NCKAP5L: variants seen among roughly 807,000 people sequenced by gnomAD.
The protein encoded by NCKAP5L is nck-associated protein 5-like.
NCKAP5L carries 54 observed loss-of-function variants against 103.2 expected under a neutral mutation model. The observed-to-expected ratio is 0.52, with a 90% CI of 0.42 to 0.66. NCKAP5L has a LOEUF of 0.66. Ranked by LOEUF, NCKAP5L falls within the 30% of genes least tolerant of loss-of-function variation. The pLI is 0.00. For missense variants in NCKAP5L, 1,733 were observed against 1,750.6 expected, an observed-to-expected ratio of 0.99 and a Z score of 0.18; for synonymous variants, 762 against 748.6, an observed-to-expected ratio of 1.02 and a Z score of -0.29.
intron 1 of NCKAP5L, among the ~76,000 whole-genome samples, chr12:49,817,514 T>G (rs1281882024): frequency 6.6e-6 from 1 of 152,202 alleles, no homozygotes; most frequent in African/African-American, 2.4e-5. Context: ...AGCAAAAGTT[T>G]GTTCTTGAGC....
chr12:49,793,714 T>C lies in NCKAP5L; in HGVS notation c.3258+20A>G. 7.2e-6 allele frequency: 11 copies of C among 1,532,546 alleles called. No individual in the cohort carries two copies. Among genetic ancestry groups the C allele is most frequent in the Non-Finnish European group, 8.8e-6 (10 of 1,139,646 alleles). The allele number at this position is 1,532,546 out of a possible 1,614,324, so 94.9% of individuals were successfully genotyped here. On this transcript the variant is annotated intron_variant, in intron 9 of 12. Coordinates refer to ENST00000335999, the MANE Select transcript of NCKAP5L (RefSeq NM_001037806.4). ...CCAGAGAGCCAGGCCGTCCACCCAG[T>C]CCCTACCCCAAGAACTTACCTTTCC...
chr12:49,801,577 C>T (rs1946118360), intron 6 of NCKAP5L, among the ~76,000 whole-genome samples: 1 of 152,184 alleles, frequency 6.6e-6, no homozygotes, highest in African/African-American at 2.4e-5. Flanking sequence ...GAAATAATTG[C>T]ATCTGCAGAC....
Position 49,793,762 on chromosome 12 carries a change from A to G in NCKAP5L, c.3230T>C (p.Leu1077Pro). ...CGPRNGLVGPLQGCGKPPGKP... is the reference protein window; with the variant it reads ...CGPRNGLVGPPQGCGKPPGKP... ...TCCAGGAGGTTTTCCGCAGCCCTGA[A>G]GAGGGCCCACCAGGCCATTCCGGGG... is the stretch of plus-strand genomic sequence containing the variant. Residue 1077 changes from leucine to proline, a missense_variant, in exon 9 of 13, where the codon CTT (leucine) becomes CCT (proline). Physicochemically the swap from Leu to Pro is moderately conservative, Grantham distance 98. Transcript: ENST00000335999. The G allele has an allele frequency of 6.3e-7, 1 of 1,592,290 alleles. No individual in the cohort carries two copies. The highest frequency in any genetic ancestry group is 8.5e-7 in the Non-Finnish European group (1 of 1,169,782).
intron 1 of NCKAP5L, among the ~76,000 whole-genome samples, chr12:49,823,788 A>G (rs559547839): frequency 1.3e-5 from 2 of 152,290 alleles, no homozygotes; most frequent in East Asian, 3.9e-4. Context: ...AGCAACAATA[A>G]TTCACCTTAA....
chr12:49,796,759 G>T lies in NCKAP5L; in HGVS notation c.1101C>A (p.Pro367=). The change falls in exon 8 of 13, where the codon CCC becomes CCA. Residue 367 remains proline (P), a synonymous_variant. Coordinates refer to ENST00000335999, the MANE Select transcript of NCKAP5L (RefSeq NM_001037806.4). ...PGQSSSPDQA[P]PQLSKSKGLP... ...GGCCTTTGGACTTAGACAGCTGTGGGGGCGCCTGGTCTGGGGAGGATGACT... is the reference window on the plus strand; with the variant it reads ...GGCCTTTGGACTTAGACAGCTGTGGTGGCGCCTGGTCTGGGGAGGATGACT... 6.2e-7 allele frequency: 1 copy of T among 1,613,452 alleles called. No homozygotes were observed. Among genetic ancestry groups the T allele is most frequent in the African/African-American group, 1.3e-5 (1 of 75,064 alleles).
intron 1 of NCKAP5L, among the ~76,000 whole-genome samples, chr12:49,815,017 C>A (rs1052929094): frequency 2.6e-5 from 4 of 152,236 alleles, no homozygotes; most frequent in African/African-American, 7.2e-5. Flanking sequence ...AGGTGATATG[C>A]CTTCCCCAGG....
At position 49,795,146 on chromosome 12, in the gene NCKAP5L, G is replaced by C. The variant is rs938266390; in HGVS notation, c.2714C>G (p.Pro905Arg). 4 of 1,610,876 alleles carry C rather than the reference G, an allele frequency of 2.5e-6. No individual in the cohort carries two copies. Among genetic ancestry groups the C allele is most frequent in the Non-Finnish European group, 3.4e-6 (4 of 1,179,100 alleles). ...VLRLQGQERA[P>R]GAEVKHRNTS... is the part of the protein sequence containing the mutation. ...GTTGCGGTGCTTGACCTCGGCGCCA[G>C]GGGCTCGCTCCTGGCCCTGGAGCCG... Residue 905 changes from proline (P) to arginine (R), a missense_variant, in exon 8 of 13, where the codon CCT becomes CGT. By Grantham distance (103) the Pro-to-Arg change is moderately radical. Transcript: ENST00000335999.
intron 6 of NCKAP5L, among the ~76,000 whole-genome samples, chr12:49,801,025 G>A (rs532304385): frequency 1.3e-5 from 2 of 152,180 alleles, no homozygotes; most frequent in African/African-American, 4.8e-5. Flanking sequence ...CGAGACGGGG[G>A]CTCCAGAGTG....
At chr12:49,793,298 G>T in intron 10 of NCKAP5L, 54 bp downstream of exon 10, 1 of 1,535,018 alleles carries the variant, frequency 6.5e-7, no homozygotes, top group Non-Finnish European at 8.9e-7. Flanking sequence ...AAAGTGGGAA[G>T]AAGTGGGTAG....
At chr12:49,808,014 T>C (rs530139492) in intron 1 of NCKAP5L, among the ~76,000 whole-genome samples, 51 of 152,342 alleles carry the variant, frequency 3.3e-4, no homozygotes, top group African/African-American at 1.2e-3. Context: ...ATGTAGAGTA[T>C]CTTTTCCCAA....
intron 2 of NCKAP5L, chr12:49,804,850 G>C (rs1946162004): frequency 1.3e-5 from 2 of 152,278 alleles, no homozygotes; most frequent in African/African-American, 2.4e-5. Context: ...GGAGAATACA[G>C]TTGAGCCTGG....
rs553263043 is a variant in NCKAP5L at position 49,799,306 on chromosome 12, G to A, written c.352-843C>T. Among the ~76,000 whole-genome samples, 6 of 147,124 alleles carry A rather than the reference G, an allele frequency of 4.1e-5. No individual in the cohort carries two copies. The South Asian group carries it at 6.5e-4, about 16-fold the overall frequency. On this transcript the variant is annotated intron_variant, in intron 6 of 12. Coordinates refer to ENST00000335999, the MANE Select transcript of NCKAP5L (RefSeq NM_001037806.4). Reference sequence around the variant, plus strand: ...TTTAAACTATAAACTCTAACAATGAGATGAGATTTTTTTTTTTTTTGAGAC... The same window carrying A: ...TTTAAACTATAAACTCTAACAATGAAATGAGATTTTTTTTTTTTTTGAGAC...
At position 49,803,000 on chromosome 12, in the gene NCKAP5L, G is replaced by A. The variant is rs762865230; in HGVS notation, c.193-4C>T. On this transcript the variant is annotated splice_region_variant and splice_polypyrimidine_tract_variant and intron_variant, in intron 4 of 12. Coordinates refer to ENST00000335999, the MANE Select transcript of NCKAP5L (RefSeq NM_001037806.4). ...CCTGTACCACATGGTTGGCAACCTG[G>A]GGACAGAAAGCCCCGAGGCAGAGCC... 1.9e-6 allele frequency: 3 copies of A among 1,614,248 alleles called. No homozygotes were observed. Among genetic ancestry groups the A allele is most frequent in the Non-Finnish European group, 2.5e-6 (3 of 1,180,036 alleles).
chr12:49,793,717 C>A lies in NCKAP5L; in HGVS notation c.3258+17G>T. 1 of 1,534,880 alleles carries A rather than the reference C, an allele frequency of 6.5e-7. No homozygotes were observed. The highest frequency in any genetic ancestry group is 8.8e-7 in the Non-Finnish European group (1 of 1,140,670). Reference sequence around the variant, plus strand: ...GAGAGCCAGGCCGTCCACCCAGTCCCTACCCCAAGAACTTACCTTTCCAGG... The same window carrying A: ...GAGAGCCAGGCCGTCCACCCAGTCCATACCCCAAGAACTTACCTTTCCAGG... On this transcript the variant is annotated intron_variant, in intron 9 of 12. Transcript: ENST00000335999.
chr12:49,810,599 G>A (rs1376258536), intron 1 of NCKAP5L, among the ~76,000 whole-genome samples: 1 of 152,152 alleles, frequency 6.6e-6, no homozygotes, highest in African/African-American at 2.4e-5. Context: ...ATTCTCTCCT[G>A]AGTGTACAGT....
At chr12:49,825,134 G>GGC (rs1410236451) in intron 1 of NCKAP5L, among the ~76,000 whole-genome samples, 2 of 152,186 alleles carry the variant, frequency 1.3e-5, no homozygotes, top group Non-Finnish European at 2.9e-5. Context: ...TTAACATGAG[G>GGC]GCGTTGGACT....
intron 3 of NCKAP5L, 54 bp from the exon 4 acceptor site, chr12:49,803,219 C>A (rs1004627200): frequency 1.9e-6 from 3 of 1,571,548 alleles, no homozygotes; most frequent in Non-Finnish European, 2.6e-6. Flanking sequence ...GATTATTCTT[C>A]CCCCAGGGCA....
In NCKAP5L at chr12:49,794,613, A is replaced by G. The variant is rs3825168; in HGVS notation, c.3095+152T>C. Among the ~76,000 whole-genome samples the G allele has an allele frequency of 6.9e-3, 471 of 68,100 alleles. 13 individuals are homozygous for G. The highest frequency in any genetic ancestry group is 0.028 in the African/African-American group (452 of 16,208). 44.7% of individuals were successfully genotyped at this position (68,100 alleles called of 152,430 possible). On this transcript the variant is annotated intron_variant, in intron 8 of 12. Transcript: ENST00000335999. ...TCCAGGCCAAGTCACTGACCCCCCC[A>G]CCAGCTGCTTTGGTGGCCTTCTATC... is the stretch of plus-strand genomic sequence containing the variant.
In NCKAP5L at chr12:49,796,503, C is replaced by T; in HGVS notation, c.1357G>A (p.Ala453Thr). The T allele has an allele frequency of 6.5e-7, 1 of 1,543,766 alleles. No homozygotes were observed. The highest frequency in any genetic ancestry group is 1.3e-5 in the South Asian group (1 of 79,838). ...EAQGPLLPSPARGLKFLKLPP... is the reference protein window; with the variant it reads ...EAQGPLLPSPTRGLKFLKLPP... Reference sequence around the variant, plus strand: ...AGCTTTAGAAACTTGAGACCCCTAGCTGGAGAGGGCAGAAGGGGTCCCTGA... The same window carrying T: ...AGCTTTAGAAACTTGAGACCCCTAGTTGGAGAGGGCAGAAGGGGTCCCTGA... The change falls in exon 8 of 13, where the codon GCT (alanine) becomes ACT (threonine). Residue 453 changes from alanine (A) to threonine (T), a missense_variant. By Grantham distance (58) the Ala-to-Thr change is moderately conservative. Coordinates refer to ENST00000335999, the MANE Select transcript of NCKAP5L (RefSeq NM_001037806.4).
Sources: gnomAD v4.1 joint callset for allele counts (sites outside exome capture counted in the v4.1 genomes callset) on GRCh38, gnomAD v4.1.1 for gene constraint, MANE v1.5 for transcripts, NCBI Gene and HGNC (gene_info 2026-07-23, HGNC 2026-07-21) for gene names.